SAMD12: variants seen among roughly 807,000 people sequenced by gnomAD.
SAMD12 encodes the protein sterile alpha motif domain-containing protein 12.
SAMD12 carries 9 observed loss-of-function variants against 15.0 expected under a neutral mutation model. The observed-to-expected ratio is 0.60, with a 90% confidence interval of 0.36 to 1.05. The LOEUF is 1.05. Among genes scored for constraint, SAMD12 ranks in the 50% least tolerant of loss-of-function variants. The pLI is 0.01. For missense variants in SAMD12, 230 were observed against 234.2 expected (o/e 0.98, Z 0.12); for synonymous variants, 86 against 90.1 (o/e 0.96, Z 0.25).
chr8:118,421,351 A>C (rs945066365), intron 3 of SAMD12, among the ~76,000 whole-genome samples: 1 of 152,226 alleles, frequency 6.6e-6, no homozygotes, highest in Non-Finnish European at 1.5e-5. Flanking sequence ...TTTGCTAGTC[A>C]AAATTGTTCA....
chr8:118,521,181 T>A (rs146547765), intron 2 of SAMD12, among the ~76,000 whole-genome samples: 6 of 152,212 alleles, frequency 3.9e-5, no homozygotes, highest in Non-Finnish European at 1.5e-5. Flanking sequence ...ATTTGTTGCA[T>A]TGACCAATTC....
At chr8:118,366,614 A>T (rs1488669816) in intron 4 of SAMD12, among the ~76,000 whole-genome samples, 1 of 151,934 alleles carries the variant, frequency 6.6e-6, no homozygotes, top group East Asian at 1.9e-4. Flanking sequence ...GGAGTTCAAG[A>T]CCAGCCTGAC....
chr8:118,276,205 T>C (rs1316706543), intron 4 of SAMD12, among the ~76,000 whole-genome samples: 3 of 152,208 alleles, frequency 2.0e-5, no homozygotes, highest in African/African-American at 7.2e-5. Context: ...TATATGCTAC[T>C]AAAAACAAAA....
At chr8:118,534,873 T>C (rs1412899134) in intron 2 of SAMD12, among the ~76,000 whole-genome samples, 2 of 152,180 alleles carry the variant, frequency 1.3e-5, no homozygotes, top group African/African-American at 4.8e-5. Context: ...TTTAGCTTCT[T>C]TGTGATGGGT....
At chr8:118,204,520 C>G (rs148370130) in intron 4 of SAMD12, among the ~76,000 whole-genome samples, 2 of 151,972 alleles carry the variant, frequency 1.3e-5, no homozygotes, top group Non-Finnish European at 2.9e-5. Context: ...TTTGGGAGGC[C>G]GAGCCGGGCA....
intron 4 of SAMD12, among the ~76,000 whole-genome samples, chr8:118,341,685 G>A (rs961101585): frequency 6.6e-5 from 10 of 152,110 alleles, no homozygotes; most frequent in Non-Finnish European, 1.2e-4. Flanking sequence ...CTTTTATAAG[G>A]GCACTGATCC....
chr8:118,582,034 G>A (rs960929167), intron 1 of SAMD12, among the ~76,000 whole-genome samples: 3 of 151,888 alleles, frequency 2.0e-5, no homozygotes, highest in East Asian at 1.9e-4. Flanking sequence ...CTCTCTATTC[G>A]GCACTCCATT....
At chr8:118,353,286 C>T (rs1818053047) in intron 4 of SAMD12, among the ~76,000 whole-genome samples, 3 of 149,374 alleles carry the variant, frequency 2.0e-5, no homozygotes, top group Non-Finnish European at 3.0e-5. Context: ...AACTGGTTTT[C>T]CTTTTAGCAT....
chr8:118,335,207 G>C (rs1817000597), intron 4 of SAMD12, among the ~76,000 whole-genome samples: 1 of 152,138 alleles, frequency 6.6e-6, no homozygotes, highest in African/African-American at 2.4e-5. Flanking sequence ...AGACCTCAAA[G>C]GTCCTCTACC....
At position 118,247,567 on chromosome 8, in the gene SAMD12, A is replaced by C. The variant is rs1392652705; in HGVS notation, c.434-49835T>G. ...TTAGTGTCAATTAAAAATAAAAAAA[A>C]CTTTAAAAATTTTATTTATTTATTT... On this transcript the variant is annotated intron_variant, in intron 4 of 4. Coordinates refer to the SAMD12 transcript ENST00000409003. Among the ~76,000 whole-genome samples the C allele has an allele frequency of 2.6e-5, 4 of 151,902 alleles. No homozygotes were observed. The East Asian group carries it at 7.7e-4, about 29-fold the overall frequency.
intron 4 of SAMD12, among the ~76,000 whole-genome samples, chr8:118,329,802 T>C (rs1323224163): frequency 1.3e-5 from 2 of 152,330 alleles, no homozygotes; most frequent in Non-Finnish European, 2.9e-5. Flanking sequence ...ATTGCACAGA[T>C]ATAGCACAAT....
chr8:118,430,300 G>A (rs1822360256), intron 3 of SAMD12, among the ~76,000 whole-genome samples: 1 of 151,434 alleles, frequency 6.6e-6, no homozygotes, highest in Non-Finnish European at 1.5e-5. Flanking sequence ...GACACTCTAT[G>A]TTAAGAGTGC....
intron 3 of SAMD12, among the ~76,000 whole-genome samples, chr8:118,385,916 T>C (rs926620130): frequency 6.6e-6 from 1 of 152,184 alleles, no homozygotes; most frequent in Non-Finnish European, 1.5e-5. Flanking sequence ...TCCATTTCAT[T>C]GTGGTGACCA....
At chr8:118,491,326 C>T (rs949015806) in intron 2 of SAMD12, among the ~76,000 whole-genome samples, 4 of 152,168 alleles carry the variant, frequency 2.6e-5, no homozygotes, top group Non-Finnish European at 5.9e-5. Context: ...TGTTTCTCCT[C>T]GCTTTATGCA....
chr8:118,263,568 C>T (rs1414083379), intron 4 of SAMD12, among the ~76,000 whole-genome samples: 3 of 152,074 alleles, frequency 2.0e-5, no homozygotes, highest in African/African-American at 7.2e-5. Flanking sequence ...CACACTGCTG[C>T]CCTAAATGTC....
At chr8:118,242,222 C>T (rs1812586865) in intron 4 of SAMD12, among the ~76,000 whole-genome samples, 1 of 152,116 alleles carries the variant, frequency 6.6e-6, no homozygotes, top group Non-Finnish European at 1.5e-5. Flanking sequence ...AATAATAAAA[C>T]TGTATGGATA....
chr8:118,570,157 T>C (rs1414545547), intron 2 of SAMD12, among the ~76,000 whole-genome samples: 2 of 152,146 alleles, frequency 1.3e-5, no homozygotes, highest in Non-Finnish European at 2.9e-5. Flanking sequence ...CCATCTGAAA[T>C]CTTGGCCAAC....
intron 4 of SAMD12, among the ~76,000 whole-genome samples, chr8:118,234,712 A>AC (rs1812390149): frequency 7.5e-6 from 1 of 132,992 alleles, no homozygotes; most frequent in South Asian, 2.5e-4. Flanking sequence ...CTCCATCTCA[A>AC]AAAAAAAAAA....
intron 2 of SAMD12, among the ~76,000 whole-genome samples, chr8:118,497,728 G>GGGGGGA (rs1824661902): frequency 8.6e-6 from 1 of 116,840 alleles, no homozygotes; most frequent in African/African-American, 3.7e-5. Context: ...AGTTGCGGGG[G>GGGGGGA]GGGGTGGGGG....
Sources: gnomAD v4.1 joint callset for allele counts (sites outside exome capture counted in the v4.1 genomes callset) on GRCh38, gnomAD v4.1.1 for gene constraint, MANE v1.5 for transcripts, NCBI Gene and HGNC (gene_info 2026-07-23, HGNC 2026-07-21) for gene names.